The following NOP58 variants were observed in gnomAD, a reference collection of about 807,000 sequenced individuals.
NOP58 encodes nucleolar protein 58.
Under a neutral mutation model 71.2 loss-of-function variants are expected in NOP58, and 44 were observed. The observed-to-expected ratio is 0.62, with a 90% CI of 0.49 to 0.79. The LOEUF (loss-of-function observed/expected upper bound fraction) is 0.79. Among genes scored for constraint, NOP58 ranks in the 30% least tolerant of loss-of-function variants. NOP58 has a pLI of 0.00. For missense variants in NOP58, 538 were observed against 620.2 expected (o/e 0.87, Z 1.41); for synonymous variants, 228 against 200.3 (o/e 1.14, Z -1.17).
At position 202,282,451 on chromosome 2, in the gene NOP58, T is replaced by C. The variant is rs977840845; in HGVS notation, c.276T>C (p.Ala92=). The C allele has an allele frequency of 2.5e-6, 4 of 1,611,434 alleles. No homozygotes were observed. The highest frequency in any genetic ancestry group is 2.2e-5 in the East Asian group (1 of 44,860). The change falls in exon 4 of 15, where the codon GCT becomes GCC. Residue 92 remains alanine (A), a synonymous_variant. Coordinates refer to ENST00000264279, the MANE Select transcript of NOP58 (RefSeq NM_015934.5). Reference sequence around the variant, plus strand: ...ATGAACCGCTGGCAGTAGCTGATGCTAAACTAGGAGGGGTCATAAAGGTAA... The same window carrying C: ...ATGAACCGCTGGCAGTAGCTGATGCCAAACTAGGAGGGGTCATAAAGGTAA... ...EAHEPLAVAD[A]KLGGVIKEKL...
chr2:202,268,675 G>A (rs983931213), intron 1 of NOP58, among the ~76,000 whole-genome samples: 2 of 150,488 alleles, frequency 1.3e-5, no homozygotes, highest in South Asian at 2.1e-4. Context: ...GCAATGGCGC[G>A]ATCTTGGCTC....
chr2:202,277,353 C>T lies in NOP58; in HGVS notation c.123-597C>T, dbSNP rs1456626244. Among the ~76,000 whole-genome samples the T allele has an allele frequency of 4.0e-5, 6 of 151,392 alleles. No individual in the cohort carries two copies. In the South Asian group the frequency reaches 1.2e-3, roughly 32 times the overall value. On this transcript the variant is annotated intron_variant, in intron 2 of 14. Coordinates refer to ENST00000264279, the MANE Select transcript of NOP58 (RefSeq NM_015934.5). ...CAGGCATGGTGGCACAGGCACATGC[C>T]TGTAATCCCAGCTACTTGGGAGTCT... is the stretch of plus-strand genomic sequence containing the variant.
intron 4 of NOP58, among the ~76,000 whole-genome samples, chr2:202,282,866 A>G (rs910903268): frequency 2.0e-5 from 3 of 152,180 alleles, no homozygotes; most frequent in African/African-American, 7.2e-5. Context: ...ATGAAATAAA[A>G]TGTGAGAGTG....
In NOP58 at chr2:202,303,582, C is replaced by T. The variant is rs771803164; in HGVS notation, c.*146C>T. The T allele has an allele frequency of 9.2e-5, 91 of 993,398 alleles. No homozygotes were observed. The highest frequency in any genetic ancestry group is 1.2e-4 in the Non-Finnish European group (88 of 713,916). 61.5% of individuals were successfully genotyped at this position (993,398 alleles called of 1,614,324 possible). A position where few individuals can be genotyped will look rare whatever the true frequency, so the allele number is the denominator to read the frequency against. ...CATCTATAACTTCAAACCTATTTGT[C>T]TTGACATCAACTCTGTTAACCTTAT... On this transcript the variant is annotated 3_prime_UTR_variant, in exon 15 of 15. Transcript: ENST00000264279.
chr2:202,287,491 C>T (rs1190778516), intron 5 of NOP58, among the ~76,000 whole-genome samples, 169 bp from the exon 6 acceptor site: 4 of 151,012 alleles, frequency 2.6e-5, no homozygotes, highest in South Asian at 2.1e-4. Context: ...TTTCTGTTCT[C>T]GTATGGTGCA....
chr2:202,293,276 GAAAAA>G, intron 9 of NOP58: 1 of 295,840 alleles, frequency 3.4e-6, no homozygotes, highest in Non-Finnish European at 6.7e-6. Flanking sequence ...TGTAGAGAAA[GAAAAA>G]AAAAAGAAAT....
chr2:202,300,980 A>G (rs147987322), intron 13 of NOP58, among the ~76,000 whole-genome samples: 14 of 152,332 alleles, frequency 9.2e-5, no homozygotes, highest in African/African-American at 2.6e-4. Flanking sequence ...GGTCAAAAGT[A>G]TATGATCTAC....
At chr2:202,277,347 A>G (rs940998055) in intron 2 of NOP58, among the ~76,000 whole-genome samples, 3 of 151,152 alleles carry the variant, frequency 2.0e-5, no homozygotes, top group African/African-American at 7.3e-5. Context: ...TGGCACAGGC[A>G]CATGCCTGTA....
At chr2:202,297,294 T>TA in intron 10 of NOP58, 85 bp from the exon 11 acceptor site, 1 of 1,281,556 alleles carries the variant, frequency 7.8e-7, no homozygotes, top group East Asian at 2.3e-5. Flanking sequence ...CATAATAGTT[T>TA]TATAACTCCT....
chr2:202,284,516 T>C, intron 5 of NOP58, 35 bp downstream of exon 5: 1 of 1,608,808 alleles, frequency 6.2e-7, no homozygotes, highest in Non-Finnish European at 8.5e-7. Context: ...CAACTTACTT[T>C]TATTTGATAA....
intron 3 of NOP58, among the ~76,000 whole-genome samples, chr2:202,280,770 CT>C (rs58033592): frequency 3.0e-3 from 389 of 131,074 alleles, no homozygotes; most frequent in East Asian, 5.9e-3. Context: ...ACTTGCAAGT[CT>C]TTTTTTTTTT....
chr2:202,289,614 G>A (rs775458883), intron 6 of NOP58, among the ~76,000 whole-genome samples: 3 of 152,160 alleles, frequency 2.0e-5, no homozygotes, highest in Non-Finnish European at 4.4e-5. Flanking sequence ...ACTTCACACA[G>A]TGGAATGTTA....
chr2:202,290,096 C>T (rs891026741), intron 6 of NOP58, among the ~76,000 whole-genome samples: 1 of 152,052 alleles, frequency 6.6e-6, no homozygotes, highest in Non-Finnish European at 1.5e-5. Flanking sequence ...GCTGGGACTA[C>T]AGGTGTGCAC....
chr2:202,297,462 T>C lies in NOP58; in HGVS notation c.1155T>C (p.Val385=). ...AGGATTCAAGTTCTGCAATGGGAGT[T>C]GAGAACAGAGCCAAATTAGAGGCCA... The part of the protein sequence containing the change: ...FGEDSSSAMG[V]ENRAKLEARL... Residue 385 remains valine, a synonymous_variant, in exon 11 of 15, where the codon GTT becomes GTC. Transcript: ENST00000264279. 6.2e-7 allele frequency: 1 copy of C among 1,613,968 alleles called. No individual in the cohort carries two copies. Among genetic ancestry groups the C allele is most frequent in the Non-Finnish European group, 8.5e-7 (1 of 1,179,914 alleles).
chr2:202,266,472 GT>G (rs1212466038), intron 1 of NOP58, among the ~76,000 whole-genome samples: 1 of 151,804 alleles, frequency 6.6e-6, no homozygotes, highest in Non-Finnish European at 1.5e-5. Context: ...CTGGCTAGTT[GT>G]TTTTGTTTGT....
At chr2:202,269,974 G>A (rs1486155660) in intron 1 of NOP58, among the ~76,000 whole-genome samples, 3 of 152,270 alleles carry the variant, frequency 2.0e-5, no homozygotes, top group South Asian at 2.1e-4. Flanking sequence ...GTGTAGCATA[G>A]CATTTTGTGT....
At position 202,284,351 on chromosome 2, in the gene NOP58, C is replaced by A; in HGVS notation, c.304C>A (p.Leu102Met). Residue 102 changes from leucine to methionine, a missense_variant, in exon 5 of 15, where the codon CTG becomes ATG. Physicochemically the swap from Leu to Met is conservative, Grantham distance 15. Coordinates refer to ENST00000264279, the MANE Select transcript of NOP58 (RefSeq NM_015934.5). The part of the protein sequence containing the change: ...AKLGGVIKEK[L>M]NLSCIHSPVV... The stretch of plus-strand genomic sequence containing the variant: ...GATGTTCATGTTCTTGTAGGAAAAG[C>A]TGAATCTCAGTTGTATCCATAGTCC... The A allele has an allele frequency of 6.3e-7, 1 of 1,599,880 alleles. No individual in the cohort carries two copies.
At chr2:202,278,053 C>T (rs1026983690) in intron 3 of NOP58, 51 bp downstream of exon 3, 25 of 1,137,100 alleles carry the variant, frequency 2.2e-5, no homozygotes, top group South Asian at 6.3e-5. Context: ...AAGTCTTAGC[C>T]GTTTGTTTTT....
At chr2:202,282,988 A>T (rs1046346341) in intron 4 of NOP58, among the ~76,000 whole-genome samples, 1 of 152,122 alleles carries the variant, frequency 6.6e-6, no homozygotes, top group Non-Finnish European at 1.5e-5. Flanking sequence ...CCAAGGTAGG[A>T]GTATCACGAG....
Sources: allele counts gnomAD v4.1 joint callset (sites outside exome capture counted in the v4.1 genomes callset), GRCh38; gene constraint gnomAD v4.1.1; transcripts MANE v1.5; gene names NCBI Gene and HGNC (gene_info 2026-07-23, HGNC 2026-07-21).